NAV3: variants seen among roughly 807,000 people sequenced by gnomAD.
The protein encoded by NAV3 is pore membrane and/or filament interacting like protein 1.
Under a neutral mutation model 244.7 loss-of-function variants are expected in NAV3, and 87 were observed. The observed-to-expected ratio is 0.36, with a 90% CI of 0.30 to 0.42. The LOEUF is 0.42. NAV3 is among the 20% of genes least tolerant of loss of function. The probability of loss-of-function intolerance (pLI) is 1.00; values close to 1 mark genes in which losing one functional copy is unlikely to be tolerated. For synonymous variants in NAV3, 1,126 were observed against 1,042.2 expected, an observed-to-expected ratio of 1.08 and a Z score of -1.55; for missense variants, 2,663 against 2,893.3, an observed-to-expected ratio of 0.92 and a Z score of 1.83.
At chr12:77,828,479 C>A (rs1035251828), upstream of NAV3, among the ~76,000 whole-genome samples, 6 of 152,166 alleles carry the variant, frequency 3.9e-5, no homozygotes, top group Non-Finnish European at 8.8e-5. Flanking sequence ...GTCACCATCA[C>A]ATCTGGTTTG....
intron 2 of NAV3, among the ~76,000 whole-genome samples, chr12:77,816,585 G>T (rs1872535544): frequency 6.6e-6 from 1 of 152,178 alleles, no homozygotes. Flanking sequence ...CTTGCATGGT[G>T]CTTGGTTGTG....
At chr12:77,660,860 A>G (rs1272704094) in intron 2 of NAV3, among the ~76,000 whole-genome samples, 1 of 152,048 alleles carries the variant, frequency 6.6e-6, no homozygotes, top group Non-Finnish European at 1.5e-5. Context: ...AGTTTTTTGC[A>G]TGACTTGTTA....
At chr12:77,852,178 TTA>T (rs1377131252) in intron 1 of NAV3, among the ~76,000 whole-genome samples, 1 of 152,228 alleles carries the variant, frequency 6.6e-6, no homozygotes, top group Non-Finnish European at 1.5e-5. Context: ...GGCCTGCTCA[TTA>T]TAAAGTTCAC....
intron 9 of NAV3, among the ~76,000 whole-genome samples, chr12:78,030,988 A>G (rs1409511948): frequency 1.3e-5 from 2 of 152,188 alleles, no homozygotes; most frequent in African/African-American, 2.4e-5. Flanking sequence ...CCAAGCTTCA[A>G]CACTATTGTT....
chr12:77,831,203 G>GC lies in NAV3; in HGVS notation c.-259_-258insC. ...AGAGAGAGAGAGAGAGACAGAGAGAGAGAGAGAGAGAGAGAAAGAGAGAGA... is the reference window on the plus strand; with the variant it reads ...AGAGAGAGAGAGAGAGACAGAGAGAGCAGAGAGAGAGAGAGAAAGAGAGAGA... On this transcript the variant is annotated 5_prime_UTR_variant, in exon 1 of 40. Transcript: ENST00000397909. 7.6e-6 allele frequency: 1 copy of GC among 130,796 alleles called. No homozygotes were observed. The highest frequency in any genetic ancestry group is 1.7e-5 in the Non-Finnish European group (1 of 59,886). The allele number at this position is 130,796 out of a possible 1,614,324, so 8.1% of individuals were successfully genotyped here.
At position 77,680,977 on chromosome 12, in the gene NAV3, G is replaced by A. The variant is rs527830465; in HGVS notation, c.72+108711G>A. 7.6e-4 allele frequency among the ~76,000 whole-genome samples: 115 copies of A among 152,184 alleles called. 2 individuals carry two copies. The South Asian group carries it at 0.021, about 28-fold the overall frequency. ...ACTGTGATGATGAGATCCGATTTTG[G>A]GGGGAGGGGCGGAAGTCATTCTTTG... On this transcript the variant is annotated intron_variant, in intron 2 of 8. Transcript: ENST00000550042.
chr12:77,628,946 AT>A (rs1871764522), intron 2 of NAV3, among the ~76,000 whole-genome samples: 1 of 151,748 alleles, frequency 6.6e-6, no homozygotes, highest in South Asian at 2.1e-4. Flanking sequence ...TATCCTCTGC[AT>A]TTTACAGAAT....
chr12:77,979,822 A>G (rs1869232566), intron 5 of NAV3, among the ~76,000 whole-genome samples: 1 of 151,962 alleles, frequency 6.6e-6, no homozygotes, highest in Non-Finnish European at 1.5e-5. Context: ...ATTGTTACTG[A>G]AATGCCAGAG....
intron 2 of NAV3, among the ~76,000 whole-genome samples, chr12:77,625,225 T>G (rs1353785572): frequency 3.3e-5 from 5 of 152,152 alleles, no homozygotes; most frequent in Non-Finnish European, 7.3e-5. Context: ...TAATGGTCAC[T>G]TTTATTTTCT....
chr12:77,963,737 A>C (rs1892242547), intron 3 of NAV3, among the ~76,000 whole-genome samples: 1 of 152,176 alleles, frequency 6.6e-6, no homozygotes, highest in African/African-American at 2.4e-5. Context: ...ATGACTATAA[A>C]AGAATAGTAA....
intron 2 of NAV3, among the ~76,000 whole-genome samples, chr12:77,805,020 G>A (rs1186934653): frequency 6.6e-6 from 1 of 152,124 alleles, no homozygotes; most frequent in African/African-American, 2.4e-5. Flanking sequence ...CATTGGTTAT[G>A]TGTCTTGAGA....
At chr12:77,882,325 G>A (rs1882753298) in intron 1 of NAV3, among the ~76,000 whole-genome samples, 1 of 152,110 alleles carries the variant, frequency 6.6e-6, no homozygotes, top group Non-Finnish European at 1.5e-5. Context: ...AACAAGCAGT[G>A]GGGAAAGGAC....
chr12:77,656,994 A>C (rs376430177), intron 2 of NAV3, among the ~76,000 whole-genome samples: 35 of 152,240 alleles, frequency 2.3e-4, no homozygotes, highest in Admixed American at 5.2e-4. Flanking sequence ...TAAATGCCCA[A>C]AAGAGAAAGC....
At chr12:77,755,940 T>C (rs1161569596) in intron 2 of NAV3, among the ~76,000 whole-genome samples, 2 of 152,088 alleles carry the variant, frequency 1.3e-5, no homozygotes, top group African/African-American at 4.8e-5. Flanking sequence ...TCACTTTAAA[T>C]ATCTTATTGT....
chr12:77,899,361 C>T (rs978402900), intron 1 of NAV3, among the ~76,000 whole-genome samples: 6 of 152,166 alleles, frequency 3.9e-5, no homozygotes, highest in Non-Finnish European at 5.9e-5. Flanking sequence ...ATTTCACTGT[C>T]ATCTTACTTA....
At position 78,049,937 on chromosome 12, in the gene NAV3, T is replaced by A. The variant is rs984794615; in HGVS notation, c.2024-56T>A. 80 of 1,210,348 alleles carry A rather than the reference T, an allele frequency of 6.6e-5. No individual in the cohort carries two copies. The South Asian group carries it at 1.0e-3, about 16-fold the overall frequency. 75.0% of individuals were successfully genotyped at this position (1,210,348 alleles called of 1,614,324 possible). On this transcript the variant is annotated intron_variant, in intron 9 of 39. Coordinates refer to ENST00000397909, the MANE Select transcript of NAV3 (RefSeq NM_001024383.2). ...GTGACTTAATTATCTAGGTATACAATTATTTTGAGGATACTAAATGTCATG... is the reference window on the plus strand; with the variant it reads ...GTGACTTAATTATCTAGGTATACAAATATTTTGAGGATACTAAATGTCATG...
chr12:78,009,445 C>CAAAAAAAAAAAAAA (rs35722033), intron 8 of NAV3, among the ~76,000 whole-genome samples: 3 of 69,900 alleles, frequency 4.3e-5, no homozygotes, highest in Non-Finnish European at 5.2e-5. Context: ...GAGGGAAACT[C>CAAAAAAAAAAAAAA]AAAAAAAAAA....
At chr12:77,908,061 G>A (rs138580048) in intron 1 of NAV3, among the ~76,000 whole-genome samples, 113 of 152,150 alleles carry the variant, frequency 7.4e-4, no homozygotes, top group African/African-American at 2.5e-3. Flanking sequence ...AGATACTATA[G>A]AGTTGTGGTT....
At chr12:77,688,657 G>A (rs952605768) in intron 2 of NAV3, among the ~76,000 whole-genome samples, 1 of 151,980 alleles carries the variant, frequency 6.6e-6, no homozygotes, top group African/African-American at 2.4e-5. Context: ...TATTGCAGTT[G>A]CATTGGTGAT....
Sources: gnomAD v4.1 joint callset for allele counts (sites outside exome capture counted in the v4.1 genomes callset) on GRCh38, gnomAD v4.1.1 for gene constraint, MANE v1.5 for transcripts, NCBI Gene and HGNC (gene_info 2026-07-23, HGNC 2026-07-21) for gene names.